Variants in SGCD observed in about 807,000 individuals in gnomAD.
SGCD encodes delta-sarcoglycan.
In SGCD, 18 loss-of-function variants were observed where a neutral mutation model predicts 36.6. The ratio of observed to expected loss-of-function variants is 0.49; its 90% CI spans 0.34 to 0.73. The LOEUF (loss-of-function observed/expected upper bound fraction) is 0.73. Ranked by LOEUF, SGCD falls within the 30% of genes least tolerant of loss-of-function variation. The probability of loss-of-function intolerance (pLI) is 0.01; values close to 1 mark genes in which losing one functional copy is unlikely to be tolerated. For missense variants in SGCD, 387 were observed against 346.7 expected (o/e 1.12, Z -0.92); for synonymous variants, 133 against 130.6 (o/e 1.02, Z -0.12).
At chr5:155,766,037 G>T in the SGCD span, among the ~76,000 whole-genome samples, 3,169 of 152,210 alleles carry the variant, frequency 0.021, 66 homozygotes, top group East Asian at 0.13. Flanking sequence ...ACCCATCAGG[G>T]TGAGGGGACT....
intron 1 of SGCD, among the ~76,000 whole-genome samples, chr5:155,995,321 G>A (rs1403969697): frequency 1.3e-5 from 2 of 152,028 alleles, no homozygotes; most frequent in African/African-American, 4.8e-5. Flanking sequence ...ATTATAAACA[G>A]TATATTTTTG....
chr5:156,219,844 G>A (rs376440220), intron 3 of SGCD, among the ~76,000 whole-genome samples: 2 of 152,116 alleles, frequency 1.3e-5, no homozygotes, highest in South Asian at 2.1e-4. Flanking sequence ...CCGTATTGGA[G>A]AAGTATTTTA....
intron 1 of SGCD, among the ~76,000 whole-genome samples, chr5:155,918,592 G>T (rs909373629): frequency 2.6e-5 from 4 of 152,052 alleles, no homozygotes; most frequent in Admixed American, 6.6e-5. Context: ...AAATAAAAAG[G>T]ATAAAGTGAT....
At chr5:156,626,090 C>A (rs1762429554) in intron 6 of SGCD, among the ~76,000 whole-genome samples, 1 of 152,068 alleles carries the variant, frequency 6.6e-6, no homozygotes, top group Non-Finnish European at 1.5e-5. Context: ...GATAGGGATG[C>A]TACACAGCAT....
the SGCD span, among the ~76,000 whole-genome samples, chr5:155,744,311 T>C: frequency 1.3e-5 from 2 of 151,790 alleles, no homozygotes; most frequent in Admixed American, 1.3e-4. Flanking sequence ...AATACAAAAA[T>C]TAATCAGGTG....
intron 3 of SGCD, among the ~76,000 whole-genome samples, chr5:156,157,147 C>A (rs886799731): frequency 1.3e-5 from 2 of 151,758 alleles, no homozygotes; most frequent in East Asian, 3.9e-4. Flanking sequence ...TCTTTAATAT[C>A]TTCTCTGGCC....
chr5:156,406,018 T>TAAAA (rs10529406), intron 3 of SGCD, among the ~76,000 whole-genome samples: 2,152 of 103,974 alleles, frequency 0.021, 131 homozygotes, highest in Middle Eastern at 0.079. Flanking sequence ...TATCTTTGCT[T>TAAAA]AAAAAAAAAA....
chr5:156,154,879 C>A lies in SGCD; in HGVS notation c.-44+30860C>A, dbSNP rs971650001. On this transcript the variant is annotated intron_variant, in intron 3 of 9. Transcript: ENST00000517913. ...CTGAAAATCACTGCCCTGCAACATG[C>A]TGCTCCTTTTCCTGTTCCCTGACTT... Among the ~76,000 whole-genome samples, 23 of 151,686 alleles carry A rather than the reference C, an allele frequency of 1.5e-4. 3 individuals carry two copies. Among genetic ancestry groups the A allele is most frequent in the African/African-American group, 4.6e-4 (19 of 40,956 alleles).
chr5:156,248,169 T>G (rs1194424004), intron 3 of SGCD, among the ~76,000 whole-genome samples: 3 of 152,200 alleles, frequency 2.0e-5, no homozygotes, highest in Middle Eastern at 3.4e-3. Flanking sequence ...TGGAGAGGAA[T>G]GGGATATTCC....
intron 3 of SGCD, among the ~76,000 whole-genome samples, chr5:156,130,162 G>T (rs1762280699): frequency 6.6e-6 from 1 of 152,102 alleles, no homozygotes. Flanking sequence ...GTAATTTTTT[G>T]ACTTTTTAGT....
At chr5:156,255,639 T>C (rs1765695952) in intron 3 of SGCD, among the ~76,000 whole-genome samples, 1 of 152,156 alleles carries the variant, frequency 6.6e-6, no homozygotes, top group Non-Finnish European at 1.5e-5. Flanking sequence ...TGTTGGCTTA[T>C]AGCTATTGGT....
chr5:155,752,048 C>A, the SGCD span, among the ~76,000 whole-genome samples: 28 of 152,300 alleles, frequency 1.8e-4, no homozygotes, highest in African/African-American at 6.0e-4. Context: ...AATAAAAAAG[C>A]AAGTTATGAT....
At chr5:156,097,073 A>C (rs1294233050) in intron 1 of SGCD, among the ~76,000 whole-genome samples, 2 of 151,546 alleles carry the variant, frequency 1.3e-5, no homozygotes, top group Non-Finnish European at 2.9e-5. Context: ...TGTTATTTAA[A>C]TTGGCTTTTC....
chr5:156,306,542 C>G (rs1372035514), intron 3 of SGCD, among the ~76,000 whole-genome samples: 4 of 152,190 alleles, frequency 2.6e-5, no homozygotes, highest in Non-Finnish European at 5.9e-5. Context: ...GTTTTCTATA[C>G]AAAGTCTCAC....
At chr5:155,775,665 C>A in the SGCD span, among the ~76,000 whole-genome samples, 2 of 152,106 alleles carry the variant, frequency 1.3e-5, no homozygotes, top group South Asian at 4.1e-4. Context: ...TAGAAATAAG[C>A]AAACAGGGTG....
At chr5:155,956,983 C>G (rs546774669) in intron 1 of SGCD, among the ~76,000 whole-genome samples, 56 of 151,898 alleles carry the variant, frequency 3.7e-4, no homozygotes, top group Non-Finnish European at 6.8e-4. Context: ...TCATTCAGAC[C>G]CTGGGAAGGG....
intron 1 of SGCD, among the ~76,000 whole-genome samples, chr5:156,098,495 A>G (rs910044091): frequency 6.6e-6 from 1 of 152,108 alleles, no homozygotes; most frequent in Non-Finnish European, 1.5e-5. Flanking sequence ...TATTTGTTCT[A>G]TCTCTCTTTC....
At chr5:155,850,900 T>C in the SGCD span, among the ~76,000 whole-genome samples, 1 of 152,232 alleles carries the variant, frequency 6.6e-6, no homozygotes, top group African/African-American at 2.4e-5. Flanking sequence ...TGTTTACCTG[T>C]ATTTTTTGTT....
chr5:155,818,240 G>T, the SGCD span, among the ~76,000 whole-genome samples: 2 of 152,086 alleles, frequency 1.3e-5, no homozygotes, highest in Non-Finnish European at 2.9e-5. Flanking sequence ...ACTTTATTGG[G>T]GTGGGGGGCC....
Sources: allele counts gnomAD v4.1 joint callset (sites outside exome capture counted in the v4.1 genomes callset), GRCh38; gene constraint gnomAD v4.1.1; transcripts MANE v1.5; gene names NCBI Gene and HGNC (gene_info 2026-07-23, HGNC 2026-07-21).